The following KCNIP1 variants were observed in gnomAD, a reference collection of about 807,000 sequenced individuals.
KCNIP1 encodes the protein A-type potassium channel modulatory protein KCNIP1.
A neutral mutation model predicts 33.0 loss-of-function variants in KCNIP1; 18 were observed. The observed-to-expected ratio is 0.55, with a 90% CI of 0.38 to 0.81. The LOEUF is 0.81. KCNIP1 is among the 30% of genes least tolerant of loss of function. KCNIP1 has a pLI of 0.00. For synonymous variants in KCNIP1, 93 were observed against 98.3 expected, an observed-to-expected ratio of 0.95 and a Z score of 0.32; for missense variants, 238 against 271.6, an observed-to-expected ratio of 0.88 and a Z score of 0.87.
At chr5:170,715,929 TGCACACAGGGAACAGG>T (rs1763630681) in intron 1 of KCNIP1, among the ~76,000 whole-genome samples, 1 of 152,206 alleles carries the variant, frequency 6.6e-6, no homozygotes, top group African/African-American at 2.4e-5. Context: ...TCTCTCCTCC[TGCACACAGGGAACAGG>T]GCCATTCTCC....
chr5:170,415,985 G>A (rs1755319396), intron 1 of KCNIP1, among the ~76,000 whole-genome samples: 1 of 152,090 alleles, frequency 6.6e-6, no homozygotes, highest in South Asian at 2.1e-4. Context: ...GGGGAGGAGA[G>A]GGGAGCGGGA....
At chr5:170,685,462 G>A (rs1303483481) in intron 1 of KCNIP1, among the ~76,000 whole-genome samples, 2 of 150,098 alleles carry the variant, frequency 1.3e-5, no homozygotes, top group African/African-American at 4.9e-5. Flanking sequence ...AGAATATCTT[G>A]TATTTTGTAG....
intron 1 of KCNIP1, among the ~76,000 whole-genome samples, chr5:170,511,091 C>A (rs1371704958): frequency 6.6e-6 from 1 of 152,200 alleles, no homozygotes; most frequent in Non-Finnish European, 1.5e-5. Flanking sequence ...CTCCTGTAAT[C>A]CCAGTCACTC....
At chr5:170,513,833 G>A (rs1413472838) in intron 1 of KCNIP1, among the ~76,000 whole-genome samples, 1 of 152,216 alleles carries the variant, frequency 6.6e-6, no homozygotes, top group Non-Finnish European at 1.5e-5. Context: ...AGGGCCTGGG[G>A]AATGAAAGTC....
At chr5:170,642,933 G>T (rs1429362596) in intron 1 of KCNIP1, among the ~76,000 whole-genome samples, 2 of 152,242 alleles carry the variant, frequency 1.3e-5, no homozygotes, top group East Asian at 3.8e-4. Context: ...CAGTTAGGAA[G>T]TGATGAGTCC....
intron 1 of KCNIP1, among the ~76,000 whole-genome samples, chr5:170,415,339 C>T (rs528677330): frequency 8.5e-5 from 13 of 152,256 alleles, no homozygotes; most frequent in African/African-American, 2.9e-4. Flanking sequence ...CTTTCTACAA[C>T]GGTACTACTG....
intron 1 of KCNIP1, among the ~76,000 whole-genome samples, chr5:170,478,004 AG>A (rs1756895645): frequency 2.6e-5 from 4 of 152,172 alleles, no homozygotes; most frequent in Non-Finnish European, 4.4e-5. Flanking sequence ...GGGAGGTGTC[AG>A]GGGAGGGTTC....
chr5:170,385,464 G>A (rs1189999141), intron 1 of KCNIP1: 1 of 1,614,038 alleles, frequency 6.2e-7, no homozygotes, highest in Non-Finnish European at 8.5e-7. Flanking sequence ...TGGGGGCAGT[G>A]ATCATTTCTA....
intron 1 of KCNIP1, among the ~76,000 whole-genome samples, chr5:170,584,443 G>A (rs916577114): frequency 6.6e-5 from 10 of 152,196 alleles, no homozygotes; most frequent in African/African-American, 2.4e-4. Context: ...ATTGAGACCA[G>A]AACTTGGAAA....
At chr5:170,624,729 A>AGGG (rs1554105623) in intron 1 of KCNIP1, among the ~76,000 whole-genome samples, 1 of 44,924 alleles carries the variant, frequency 2.2e-5, no homozygotes, top group Admixed American at 2.6e-4. Flanking sequence ...GAGACCGGGG[A>AGGG]GGTGGGGGGG....
chr5:170,622,144 T>A (rs760925423), intron 1 of KCNIP1, among the ~76,000 whole-genome samples: 1 of 152,218 alleles, frequency 6.6e-6, no homozygotes, highest in Admixed American at 6.5e-5. Flanking sequence ...GTGTTCTCAA[T>A]CAAGATTCCG....
intron 1 of KCNIP1, among the ~76,000 whole-genome samples, chr5:170,609,076 C>T (rs1258426797): frequency 6.6e-6 from 1 of 152,092 alleles, no homozygotes; most frequent in Non-Finnish European, 1.5e-5. Flanking sequence ...CTCAGAATCA[C>T]GTGCTCTGGG....
chr5:170,728,209 T>C (rs1212565620), intron 5 of KCNIP1, among the ~76,000 whole-genome samples: 1 of 152,188 alleles, frequency 6.6e-6, no homozygotes, highest in African/African-American at 2.4e-5. Flanking sequence ...TCATACTTTA[T>C]GGTAACACGC....
At chr5:170,461,884 A>C (rs895299936) in intron 1 of KCNIP1, among the ~76,000 whole-genome samples, 2 of 152,246 alleles carry the variant, frequency 1.3e-5, no homozygotes, top group African/African-American at 4.8e-5. Flanking sequence ...CATTCAAGGA[A>C]TAGTGCTGGG....
chr5:170,714,748 A>G (rs1373024853), intron 1 of KCNIP1, among the ~76,000 whole-genome samples: 1 of 152,164 alleles, frequency 6.6e-6, no homozygotes, highest in East Asian at 1.9e-4. Flanking sequence ...ATAAAATAAG[A>G]AAATAAAGAA....
At chr5:170,552,150 G>C (rs1204494994) in intron 1 of KCNIP1, among the ~76,000 whole-genome samples, 1 of 152,158 alleles carries the variant, frequency 6.6e-6, no homozygotes, top group East Asian at 1.9e-4. Context: ...ACAGCCATTT[G>C]TCACAGGTCT....
At chr5:170,400,551 C>T (rs917648336) in intron 1 of KCNIP1, among the ~76,000 whole-genome samples, 1 of 152,158 alleles carries the variant, frequency 6.6e-6, no homozygotes, top group East Asian at 1.9e-4. Context: ...CATATCATTC[C>T]TCTTTGTAGA....
chr5:170,506,629 G>A (rs1173235988), intron 1 of KCNIP1, among the ~76,000 whole-genome samples: 1 of 152,134 alleles, frequency 6.6e-6, no homozygotes, highest in African/African-American at 2.4e-5. Flanking sequence ...ACAGAAGAGG[G>A]GGTACTGGCA....
intron 1 of KCNIP1, among the ~76,000 whole-genome samples, chr5:170,640,506 T>A (rs968768765): frequency 6.6e-6 from 1 of 152,148 alleles, no homozygotes; most frequent in Non-Finnish European, 1.5e-5. Context: ...CATAGGCCAA[T>A]ATCCAGAGCT....
Sources: gnomAD v4.1 joint callset for allele counts (sites outside exome capture counted in the v4.1 genomes callset) on GRCh38, gnomAD v4.1.1 for gene constraint, MANE v1.5 for transcripts, NCBI Gene and HGNC (gene_info 2026-07-23, HGNC 2026-07-21) for gene names.